SFXN5: variants seen among roughly 807,000 people sequenced by gnomAD.
The protein encoded by SFXN5 is sideroflexin-5.
Under a neutral mutation model 50.2 loss-of-function variants are expected in SFXN5, and 43 were observed. That is an observed-to-expected ratio of 0.86 (90% CI 0.67 to 1.11). The LOEUF (loss-of-function observed/expected upper bound fraction) is 1.11, where lower values mean the gene tolerates loss of function less well. Among genes scored for constraint, SFXN5 ranks in the 50% least tolerant of loss-of-function variants. SFXN5 has a pLI of 0.00. For missense variants in SFXN5, 463 were observed against 454.1 expected (o/e 1.02, Z -0.18); for synonymous variants, 203 against 185.8 (o/e 1.09, Z -0.75).
intron 13 of SFXN5, among the ~76,000 whole-genome samples, chr2:72,946,129 CT>C (rs1559072338): frequency 6.6e-6 from 1 of 151,844 alleles, no homozygotes; most frequent in African/African-American, 2.4e-5. Flanking sequence ...TCCACCTCCC[CT>C]GCCCACTCCG....
intron 10 of SFXN5, among the ~76,000 whole-genome samples, chr2:72,982,526 A>G (rs903331468): frequency 6.6e-6 from 1 of 152,184 alleles, no homozygotes; most frequent in Non-Finnish European, 1.5e-5. Flanking sequence ...ACTGTGTGCC[A>G]GGCACCGAGG....
chr2:73,059,361 G>T, intron 1 of SFXN5: 1 of 985,382 alleles, frequency 1.0e-6, no homozygotes, highest in Non-Finnish European at 1.2e-6. Context: ...AGCTGCAATC[G>T]CTGGGGTTCA....
At chr2:73,066,787 G>C (rs929536509) in intron 1 of SFXN5, among the ~76,000 whole-genome samples, 5 of 152,112 alleles carry the variant, frequency 3.3e-5, no homozygotes, top group Admixed American at 3.3e-4. Context: ...AATCATTAGA[G>C]GCCAGGGGTT....
At chr2:73,009,222 G>A (rs1281132953) in intron 6 of SFXN5, among the ~76,000 whole-genome samples, 2 of 152,236 alleles carry the variant, frequency 1.3e-5, no homozygotes, top group African/African-American at 2.4e-5. Context: ...GGTGTGGACT[G>A]GAACCTTCAC....
Position 72,992,856 on chromosome 2 carries a change from C to T in SFXN5, c.535-4508G>A, listed in dbSNP as rs1199916089. ...CTTCGGTGACACTGGAGGAGCCACA[C>T]GGCCCTGCGGGACTGCCTGGCTTGC... On this transcript the variant is annotated intron_variant, in intron 9 of 13. Transcript: ENST00000272433. This position sits in a 1 kb window ranked among gnomAD's most constrained non-coding sequence, Gnocchi z 4.5. Among the ~76,000 whole-genome samples, 2 of 152,192 alleles carry T rather than the reference C, an allele frequency of 1.3e-5. No homozygotes were observed. Among genetic ancestry groups the T allele is most frequent in the East Asian group, 1.9e-4 (1 of 5,188 alleles).
chr2:73,001,952 C>T (rs1673971582), intron 6 of SFXN5, among the ~76,000 whole-genome samples: 1 of 152,128 alleles, frequency 6.6e-6, no homozygotes, highest in African/African-American at 2.4e-5. Flanking sequence ...AAACAACAGA[C>T]ATGTATTATT....
intron 1 of SFXN5, among the ~76,000 whole-genome samples, chr2:73,068,920 G>A (rs1211272235): frequency 6.6e-6 from 1 of 151,878 alleles, no homozygotes; most frequent in African/African-American, 2.4e-5. Context: ...CAAGAGTTGG[G>A]GGTAGAGGAA....
intron 2 of SFXN5, among the ~76,000 whole-genome samples, chr2:73,046,390 T>C (rs1178229422): frequency 4.2e-4 from 58 of 137,578 alleles, no homozygotes; most frequent in East Asian, 1.5e-3. Context: ...GCCTGGGCAA[T>C]AGAGTGAGAC....
intron 8 of SFXN5, 79 bp from the exon 9 acceptor site, chr2:72,999,093 G>T: frequency 6.8e-7 from 1 of 1,476,672 alleles, no homozygotes; most frequent in Non-Finnish European, 9.4e-7. Flanking sequence ...GTCCCAGCCA[G>T]CAAGAAGCAT....
Position 72,953,014 on chromosome 2 carries a change from A to C in SFXN5, c.946-7915T>G, listed in dbSNP as rs936809536. Among the ~76,000 whole-genome samples the C allele has an allele frequency of 6.6e-6, 1 of 152,178 alleles. No individual in the cohort carries two copies. The highest frequency in any genetic ancestry group is 1.5e-5 in the Non-Finnish European group (1 of 68,022). On this transcript the variant is annotated intron_variant, in intron 13 of 13. Coordinates refer to ENST00000272433, the MANE Select transcript of SFXN5 (RefSeq NM_144579.3). The surrounding 1 kb of genome is among the most constrained non-coding windows in gnomAD (Gnocchi z 4.1). ...GTCCTGGAAGGTCCTGGAAAAAAGA[A>C]CTGTGGGGGAAAGGCTGTCAGGCAG...
In SFXN5 at chr2:72,944,960, T is replaced by C; in HGVS notation, c.*62A>G. 1 of 1,518,710 alleles carries C rather than the reference T, an allele frequency of 6.6e-7. No homozygotes were observed. The highest frequency in any genetic ancestry group is 9.1e-7 in the Non-Finnish European group (1 of 1,103,790). The allele number at this position is 1,518,710 out of a possible 1,614,324, so 94.1% of individuals were successfully genotyped here. On this transcript the variant is annotated 3_prime_UTR_variant, in exon 14 of 14. Transcript: ENST00000272433. ...CTCCCTGCAGGTGCAGCCGTGAGTC[T>C]ACGGCCCTGCCCCTCAGCTCCCCGG... is the stretch of plus-strand genomic sequence containing the variant.
chr2:73,053,794 G>C (rs10186042), intron 2 of SFXN5, among the ~76,000 whole-genome samples: 2 of 152,002 alleles, frequency 1.3e-5, no homozygotes, highest in Admixed American at 1.3e-4. Context: ...AAGTCCTCAC[G>C]ACCTCTACTG....
At chr2:73,017,137 C>T (rs901675682) in intron 6 of SFXN5, among the ~76,000 whole-genome samples, 4 of 151,912 alleles carry the variant, frequency 2.6e-5, no homozygotes, top group Non-Finnish European at 4.4e-5. Context: ...TCAGACACAT[C>T]GGTATATAGT....
intron 2 of SFXN5, among the ~76,000 whole-genome samples, chr2:73,042,976 G>A (rs1479471589): frequency 2.0e-5 from 3 of 152,164 alleles, no homozygotes; most frequent in East Asian, 1.9e-4. Context: ...GCTAAGACAC[G>A]AGGGTCATTT....
intron 10 of SFXN5, among the ~76,000 whole-genome samples, chr2:72,972,122 C>T (rs540242691): frequency 6.6e-6 from 1 of 152,340 alleles, no homozygotes; most frequent in East Asian, 1.9e-4. Context: ...GTCGGTCCAA[C>T]ATCCAGCCCC....
At chr2:73,047,793 A>G (rs922941946) in intron 2 of SFXN5, among the ~76,000 whole-genome samples, 4 of 152,220 alleles carry the variant, frequency 2.6e-5, no homozygotes, top group African/African-American at 9.6e-5. Context: ...GCATGAGAAC[A>G]GACTAATACA....
intron 6 of SFXN5, among the ~76,000 whole-genome samples, chr2:73,013,237 G>A (rs1675754235): frequency 6.6e-6 from 1 of 152,004 alleles, no homozygotes; most frequent in South Asian, 2.1e-4. Flanking sequence ...GTAGAATTCA[G>A]CTATATTTTG....
chr2:72,972,605 G>A (rs560784463), intron 10 of SFXN5, among the ~76,000 whole-genome samples: 3 of 152,216 alleles, frequency 2.0e-5, no homozygotes, highest in Admixed American at 1.3e-4. Context: ...GCCAGGCCCC[G>A]TGGCCCAGTG....
At chr2:73,043,754 C>A (rs528916143) in intron 2 of SFXN5, among the ~76,000 whole-genome samples, 172 of 152,112 alleles carry the variant, frequency 1.1e-3, no homozygotes, top group African/African-American at 4.0e-3. Context: ...AATATCAGAA[C>A]AAAAAATGGA....
Sources: allele counts gnomAD v4.1 joint callset (sites outside exome capture counted in the v4.1 genomes callset), GRCh38; gene constraint gnomAD v4.1.1; non-coding constraint Gnocchi (gnomAD v3.1); transcripts MANE v1.5; gene names NCBI Gene and HGNC (gene_info 2026-07-23, HGNC 2026-07-21).